Variants in ATF1 observed in about 807,000 individuals in gnomAD.
ATF1 encodes cyclic AMP-dependent transcription factor ATF-1.
ATF1 carries 16 observed loss-of-function variants against 34.7 expected under a neutral mutation model. That is an observed-to-expected ratio of 0.46 (90% CI 0.31 to 0.70). The LOEUF is 0.70. Ranked by LOEUF, ATF1 falls within the 30% of genes least tolerant of loss-of-function variation. The pLI, the probability that ATF1 is intolerant of heterozygous loss-of-function variation, is 0.05. For synonymous variants in ATF1, 105 were observed against 113.1 expected, an observed-to-expected ratio of 0.93 and a Z score of 0.46; for missense variants, 255 against 321.6, an observed-to-expected ratio of 0.79 and a Z score of 1.58.
chr12:50,783,236 CA>C (rs145210104), intron 2 of ATF1, among the ~76,000 whole-genome samples: 184 of 152,184 alleles, frequency 1.2e-3, no homozygotes, highest in African/African-American at 4.3e-3. Flanking sequence ...TTGAGAATGT[CA>C]AAAGGATTTG....
rs964630816 is a variant in ATF1 at position 50,814,091 on chromosome 12, C to T, written c.410C>T (p.Thr137Ile). Residue 137 changes from threonine (T) to isoleucine (I), a missense_variant, in exon 5 of 7, where the codon ACA becomes ATA. Physicochemically the swap from Thr to Ile is moderately conservative, Grantham distance 89. Transcript: ENST00000262053. ...GVQGLQTLTM[T>I]NSGSTQQGTT... ...CAGGGACTTCAGACATTAACCATGA[C>T]AAATTCAGGCAGTACTCAGCAAGGT... 3 of 1,614,168 alleles carry T rather than the reference C, an allele frequency of 1.9e-6. No individual in the cohort carries two copies. The highest frequency in any genetic ancestry group is 2.5e-6 in the Non-Finnish European group (3 of 1,180,026).
At chr12:50,777,878 C>T (rs909155723) in intron 1 of ATF1, among the ~76,000 whole-genome samples, 4 of 151,886 alleles carry the variant, frequency 2.6e-5, no homozygotes, top group Non-Finnish European at 5.9e-5. Context: ...TGGCAGCTAC[C>T]TAGCTGCCCT....
intron 2 of ATF1, among the ~76,000 whole-genome samples, chr12:50,790,851 A>G (rs1299267275): frequency 1.3e-5 from 2 of 152,056 alleles, no homozygotes; most frequent in Non-Finnish European, 2.9e-5. Flanking sequence ...TACAGGCCCA[A>G]AGAAAGATTT....
chr12:50,775,838 A>G (rs887167312), intron 1 of ATF1, among the ~76,000 whole-genome samples: 5 of 152,182 alleles, frequency 3.3e-5, no homozygotes, highest in African/African-American at 7.2e-5. Flanking sequence ...CAGAAGGTAC[A>G]TGATTTTGTC....
chr12:50,818,456 A>AAAAC (rs769147664), intron 6 of ATF1, among the ~76,000 whole-genome samples: 1 of 152,210 alleles, frequency 6.6e-6, no homozygotes, highest in East Asian at 1.9e-4. Flanking sequence ...GAAACCACTT[A>AAAAC]AAACAAACAA....
chr12:50,805,392 C>CA (rs775459874), intron 3 of ATF1, among the ~76,000 whole-genome samples: 2 of 151,040 alleles, frequency 1.3e-5, no homozygotes, highest in Non-Finnish European at 3.0e-5. Flanking sequence ...CTTGTCACTA[C>CA]AAAAAAATAC....
chr12:50,809,650 G>T, intron 4 of ATF1, 61 bp downstream of exon 4: 1 of 1,496,762 alleles, frequency 6.7e-7, no homozygotes, highest in South Asian at 1.3e-5. Flanking sequence ...TCTGTAGAAA[G>T]AAATGGTGTT....
chr12:50,778,477 C>A (rs1940981549), intron 1 of ATF1, among the ~76,000 whole-genome samples: 1 of 152,060 alleles, frequency 6.6e-6, no homozygotes, highest in Non-Finnish European at 1.5e-5. Context: ...CCCACCTCGG[C>A]CTCCCAAAGT....
intron 2 of ATF1, among the ~76,000 whole-genome samples, chr12:50,790,924 A>G (rs1941287805): frequency 6.6e-6 from 1 of 152,098 alleles, no homozygotes; most frequent in Admixed American, 6.6e-5. Flanking sequence ...CAAGTTTTCT[A>G]AAATGCTGTA....
chr12:50,785,390 T>C (rs2139657401), intron 2 of ATF1, among the ~76,000 whole-genome samples: 1 of 151,968 alleles, frequency 6.6e-6, no homozygotes, highest in East Asian at 1.9e-4. Context: ...CTGGATGATG[T>C]TTTCCATTTC....
intron 2 of ATF1, among the ~76,000 whole-genome samples, chr12:50,783,865 T>TAAA (rs762089428): frequency 3.5e-5 from 4 of 113,612 alleles, no homozygotes; most frequent in Non-Finnish European, 5.5e-5. Context: ...AAACTCCGTC[T>TAAA]GAAAAAAAAA....
At chr12:50,778,340 C>T (rs1427355514) in intron 1 of ATF1, among the ~76,000 whole-genome samples, 2 of 150,426 alleles carry the variant, frequency 1.3e-5, no homozygotes, top group Non-Finnish European at 3.0e-5. Context: ...ATTCTCCTGC[C>T]TCAGCCTCCT....
chr12:50,766,149 T>G (rs1592161027), intron 1 of ATF1, among the ~76,000 whole-genome samples: 1 of 152,084 alleles, frequency 6.6e-6, no homozygotes, highest in Non-Finnish European at 1.5e-5. Flanking sequence ...TACCTTTGGG[T>G]AAGTGTTGGG....
chr12:50,791,738 G>A (rs1025831137), intron 2 of ATF1, among the ~76,000 whole-genome samples: 3 of 152,146 alleles, frequency 2.0e-5, no homozygotes, highest in Admixed American at 6.5e-5. Flanking sequence ...TGAGATCTCT[G>A]TTAACTGAAA....
intron 4 of ATF1, among the ~76,000 whole-genome samples, chr12:50,810,035 T>C (rs1303723906): frequency 1.5e-4 from 23 of 151,726 alleles, no homozygotes; most frequent in Admixed American, 1.5e-3. Flanking sequence ...GGTTTCACCA[T>C]ATTGGCCAGG....
At chr12:50,817,192 G>C (rs73099079) in intron 6 of ATF1, among the ~76,000 whole-genome samples, 2 of 152,076 alleles carry the variant, frequency 1.3e-5, no homozygotes. Context: ...GTATGTATAA[G>C]AATTTTCATA....
intron 6 of ATF1, among the ~76,000 whole-genome samples, chr12:50,816,263 G>C (rs1040743546): frequency 6.6e-6 from 1 of 151,820 alleles, no homozygotes; most frequent in Non-Finnish European, 1.5e-5. Context: ...GGGGGTTGAG[G>C]CAGCATGATC....
intron 3 of ATF1, among the ~76,000 whole-genome samples, chr12:50,797,472 C>CT (rs1426652216): frequency 6.6e-6 from 1 of 152,076 alleles, no homozygotes; most frequent in Non-Finnish European, 1.5e-5. Flanking sequence ...TTATTTTTAT[C>CT]TTTAAATTAT....
chr12:50,783,268 C>G (rs888636896), intron 2 of ATF1, among the ~76,000 whole-genome samples: 3 of 152,022 alleles, frequency 2.0e-5, no homozygotes, highest in African/African-American at 7.2e-5. Flanking sequence ...GTTTGAAAAC[C>G]AGTGACCCAA....
Sources: allele counts gnomAD v4.1 joint callset (sites outside exome capture counted in the v4.1 genomes callset), GRCh38; gene constraint gnomAD v4.1.1; transcripts MANE v1.5; gene names NCBI Gene and HGNC (gene_info 2026-07-23, HGNC 2026-07-21).